The following ATG4B variants were observed in gnomAD, a reference collection of about 807,000 sequenced individuals.
ATG4B encodes cysteine protease ATG4B.
Under a neutral mutation model 56.6 loss-of-function variants are expected in ATG4B, and 29 were observed. That is an observed-to-expected ratio of 0.51 (90% CI 0.38 to 0.70). ATG4B has a LOEUF of 0.70. ATG4B is among the 30% of genes least tolerant of loss of function. The pLI, the probability that ATG4B is intolerant of heterozygous loss-of-function variation, is 0.00. For missense variants in ATG4B, 461 were observed against 515.5 expected (o/e 0.89, Z 1.02); for synonymous variants, 224 against 206.1 (o/e 1.09, Z -0.74).
chr2:241,658,350 C>T (rs1250867900), intron 6 of ATG4B, among the ~76,000 whole-genome samples: 1 of 152,082 alleles, frequency 6.6e-6, no homozygotes, highest in Non-Finnish European at 1.5e-5. Flanking sequence ...CTCCCAGTGT[C>T]CCCCCTGGGC....
At chr2:241,667,023 C>T (rs1417122151) in intron 8 of ATG4B, among the ~76,000 whole-genome samples, 185 bp downstream of exon 8, 1 of 152,226 alleles carries the variant, frequency 6.6e-6, no homozygotes, top group East Asian at 1.9e-4. Context: ...TCAGTAGGCA[C>T]GTGCTGCTTT....
chr2:241,668,556 C>G lies in ATG4B; in HGVS notation c.828C>G (p.Tyr276Ter). 2 of 1,609,722 alleles carry G rather than the reference C, an allele frequency of 1.2e-6. No individual in the cohort carries two copies. The highest frequency in any genetic ancestry group is 1.7e-6 in the Non-Finnish European group (2 of 1,179,288). Residue 276 changes from tyrosine to a stop codon, truncating the protein, a stop_gained, in exon 10 of 13, where the codon TAC (tyrosine) becomes TAG (stop). Transcript: ENST00000404914. LOFTEE classifies it high-confidence loss of function. The surrounding 1 kb of genome is among the most constrained non-coding windows in gnomAD (Gnocchi z 4.2). ...TCCTCCCAGGTGAGGAGCTCATCTA[C>G]CTGGACCCCCACACCACGCAGCCAG... is the stretch of plus-strand genomic sequence containing the variant. ...FIGYVGEELI[Y>*]LDPHTTQPAV...
In ATG4B at chr2:241,668,843, T is replaced by C; in HGVS notation, c.957+158T>C. The C allele has an allele frequency of 9.1e-7, 1 of 1,104,560 alleles. No individual in the cohort carries two copies. Among genetic ancestry groups the C allele is most frequent in the Non-Finnish European group, 1.3e-6 (1 of 785,004 alleles). 68.4% of individuals were successfully genotyped at this position (1,104,560 alleles called of 1,614,324 possible). Reference sequence around the variant, plus strand: ...ATCTGAAGGGTATAAGAGCCGGAACTGTGTCCTTGCACCCTCACGTCCCTC... The same window carrying C: ...ATCTGAAGGGTATAAGAGCCGGAACCGTGTCCTTGCACCCTCACGTCCCTC... On this transcript the variant is annotated intron_variant, in intron 10 of 12. Coordinates refer to ENST00000404914, the MANE Select transcript of ATG4B (RefSeq NM_013325.5). The surrounding 1 kb of genome is among the most constrained non-coding windows in gnomAD (Gnocchi z 4.2).
rs1489316711 is a variant in ATG4B at position 241,651,341 on chromosome 2, T to A, written c.184+6T>A. 6.3e-7 allele frequency: 1 copy of A among 1,582,708 alleles called. No homozygotes were observed. The highest frequency in any genetic ancestry group is 8.6e-7 in the Non-Finnish European group (1 of 1,161,790). Reference sequence around the variant, plus strand: ...GAAAAACTTTCCAGCCATTGGTAAGTACTCTGTTTTATTACAACGCGGGAC... The same window carrying A: ...GAAAAACTTTCCAGCCATTGGTAAGAACTCTGTTTTATTACAACGCGGGAC... On this transcript the variant is annotated splice_donor_region_variant and intron_variant, in intron 3 of 12. Transcript: ENST00000404914. The surrounding 1 kb of genome is among the most constrained non-coding windows in gnomAD (Gnocchi z 4.1).
intron 1 of ATG4B, among the ~76,000 whole-genome samples, chr2:241,639,471 C>T (rs2067817401): frequency 6.6e-6 from 1 of 152,202 alleles, no homozygotes; most frequent in Admixed American, 6.5e-5. Context: ...CTGCCCTTTG[C>T]CGGCAGAGGG....
At position 241,668,426 on chromosome 2, in the gene ATG4B, C is replaced by T. The variant is rs1473797885; in HGVS notation, c.812-114C>T. On this transcript the variant is annotated intron_variant, in intron 9 of 12. Transcript: ENST00000404914. The surrounding 1 kb of genome is among the most constrained non-coding windows in gnomAD (Gnocchi z 4.2). ...GTGCCCTCGGCTCCCTCCCCACCTC[C>T]TGCCCACTGCTTCTCAGTGTGATGT... 2 of 1,469,408 alleles carry T rather than the reference C, an allele frequency of 1.4e-6. No homozygotes were observed. The highest frequency in any genetic ancestry group is 1.4e-5 in the African/African-American group (1 of 71,650). The allele number at this position is 1,469,408 out of a possible 1,614,324, so 91.0% of individuals were successfully genotyped here.
chr2:241,670,505 G>A lies in ATG4B; in HGVS notation c.958-221G>A, dbSNP rs553213278. 9.4e-5 allele frequency: 57 copies of A among 603,346 alleles called. No individual in the cohort carries two copies. In the East Asian group the frequency reaches 1.4e-3, roughly 15 times the overall value. The allele number at this position is 603,346 out of a possible 1,614,324, so 37.4% of individuals were successfully genotyped here. ...CGTGGGCGAATCAAGGCACAGCAAC[G>A]CAGTGGAGCCTGAGGGGAGCCGGGC... On this transcript the variant is annotated intron_variant, in intron 10 of 12. Transcript: ENST00000404914.
At chr2:241,659,926 T>G (rs1014736374) in intron 7 of ATG4B, among the ~76,000 whole-genome samples, 1 of 152,174 alleles carries the variant, frequency 6.6e-6, no homozygotes, top group Non-Finnish European at 1.5e-5. Flanking sequence ...GCGCGGTGGC[T>G]CATGCCTGTA....
chr2:241,666,652 G>T lies in ATG4B; in HGVS notation c.546G>T (p.Leu182Phe). The change falls in exon 8 of 13, where the codon TTG (leucine) becomes TTT (phenylalanine). Residue 182 changes from leucine (L) to phenylalanine (F), a missense_variant. Leu to Phe is a conservative substitution (Grantham distance 22). Transcript: ENST00000404914. The stretch of plus-strand genomic sequence containing the variant: ...GCATGTCTCCCTTTCTAGGAAGGTT[G>T]TGCAGGACCAGCGTTCCCTGTGCAG... ...NTVVMEEIRR[L>F]CRTSVPCAGA... 6.2e-7 allele frequency: 1 copy of T among 1,613,436 alleles called. No homozygotes were observed. Among genetic ancestry groups the T allele is most frequent in the African/African-American group, 1.3e-5 (1 of 75,058 alleles).
At position 241,666,805 on chromosome 2, in the gene ATG4B, G is replaced by A. The variant is rs192631456; in HGVS notation, c.699G>A (p.Thr233=). 456 of 1,575,284 alleles carry A rather than the reference G, an allele frequency of 2.9e-4. No individual in the cohort carries two copies. In the African/African-American group the frequency reaches 5.5e-3, roughly 19 times the overall value. The change falls in exon 8 of 13, where the codon ACG becomes ACA. Residue 233 remains threonine (T), a synonymous_variant. Transcript: ENST00000404914. ...VLLIPLRLGL[T]DINEAYVETL... is the part of the protein sequence containing the mutation. ...TCATTCCCCTGCGCCTGGGGCTCAC[G>A]GACATCAACGAGGCCTACGTGGAGA... is the stretch of plus-strand genomic sequence containing the variant.
intron 5 of ATG4B, 38 bp from the exon 6 acceptor site, chr2:241,655,233 G>T: frequency 6.3e-7 from 1 of 1,583,324 alleles, no homozygotes; most frequent in Non-Finnish European, 8.6e-7. Context: ...AGGGCTGGGG[G>T]CGGGTGTGTG....
intron 6 of ATG4B, among the ~76,000 whole-genome samples, chr2:241,657,809 C>T (rs2068454755): frequency 6.6e-6 from 1 of 152,220 alleles, no homozygotes; most frequent in Admixed American, 6.5e-5. Context: ...GAGCCATCTG[C>T]ATAAAACATA....
At chr2:241,670,629 C>G in intron 10 of ATG4B, 97 bp from the exon 11 acceptor site, 3 of 1,127,980 alleles carry the variant, frequency 2.7e-6, no homozygotes, top group Non-Finnish European at 3.9e-6. Flanking sequence ...ATGCTGGGGG[C>G]CTCTGCTGCG....
chr2:241,650,115 A>G (rs557565517), intron 1 of ATG4B, among the ~76,000 whole-genome samples: 1 of 152,134 alleles, frequency 6.6e-6, no homozygotes, highest in Non-Finnish European at 1.5e-5. Context: ...ACAGAGTAAG[A>G]TGGCATGCAG....
intron 10 of ATG4B, among the ~76,000 whole-genome samples, chr2:241,669,354 C>G (rs996903452): frequency 6.6e-6 from 1 of 152,184 alleles, no homozygotes; most frequent in Non-Finnish European, 1.5e-5. Flanking sequence ...GATGCTCCGC[C>G]CCATTTAGGA....
intron 1 of ATG4B, among the ~76,000 whole-genome samples, chr2:241,639,994 C>G (rs1242211692): frequency 1.3e-5 from 2 of 152,168 alleles, no homozygotes; most frequent in South Asian, 2.1e-4. Flanking sequence ...TGACCCACCC[C>G]TCTCTGCCTA....
At position 241,668,941 on chromosome 2, in the gene ATG4B, G is replaced by C. The variant is rs188250506; in HGVS notation, c.957+256G>C. 1.9e-6 allele frequency: 1 copy of C among 534,586 alleles called. No homozygotes were observed. Among genetic ancestry groups the C allele is most frequent in the African/African-American group, 1.9e-5 (1 of 51,926 alleles). 33.1% of individuals were successfully genotyped at this position (534,586 alleles called of 1,614,324 possible). A position where few individuals can be genotyped will look rare whatever the true frequency, so the allele number is the denominator to read the frequency against. On this transcript the variant is annotated intron_variant, in intron 10 of 12. Coordinates refer to ENST00000404914, the MANE Select transcript of ATG4B (RefSeq NM_013325.5). This position sits in a 1 kb window ranked among gnomAD's most constrained non-coding sequence, Gnocchi z 4.2. Reference sequence around the variant, plus strand: ...AGAGAGCGTGTGTCTGGATGTGAGCGTGTGTGGGCGCGTGCTGAGTGTGCA... The same window carrying C: ...AGAGAGCGTGTGTCTGGATGTGAGCCTGTGTGGGCGCGTGCTGAGTGTGCA...
chr2:241,654,625 T>C lies in ATG4B; in HGVS notation c.363T>C (p.Ser121=). ...ACGCATTCATCGACAGGAAGGACAG[T>C]TACTACTCCATTCACCAGATAGGTG... The part of the protein sequence containing the change: ...VLNAFIDRKD[S]YYSIHQIAQM... The change falls in exon 5 of 13, where the codon AGT becomes AGC. Residue 121 remains serine, a synonymous_variant. Transcript: ENST00000404914. The C allele has an allele frequency of 1.3e-6, 2 of 1,599,774 alleles. No individual in the cohort carries two copies. The highest frequency in any genetic ancestry group is 2.3e-5 in the East Asian group (1 of 44,444).
At chr2:241,653,760 G>T (rs556737954) in intron 4 of ATG4B, 150 bp downstream of exon 4, 1 of 680,534 alleles carries the variant, frequency 1.5e-6, no homozygotes, top group Non-Finnish European at 2.4e-6. Flanking sequence ...TGTTTTTCTT[G>T]ATTTAAAAAA....
Sources: gnomAD v4.1 joint callset for allele counts (sites outside exome capture counted in the v4.1 genomes callset) on GRCh38, gnomAD v4.1.1 for gene constraint, Gnocchi (gnomAD v3.1) non-coding constraint, MANE v1.5 for transcripts, NCBI Gene and HGNC (gene_info 2026-07-23, HGNC 2026-07-21) for gene names.